The following SRGAP2 variants were observed in gnomAD, a reference collection of about 807,000 sequenced individuals.
SRGAP2 encodes the protein SLIT-ROBO Rho GTPase-activating protein 2.
SRGAP2 carries 15 observed loss-of-function variants against 57.2 expected under a neutral mutation model. That is an observed-to-expected ratio of 0.26 (90% CI 0.18 to 0.40). The LOEUF is 0.40. SRGAP2 is among the 10% of genes least tolerant of loss of function. The probability of loss-of-function intolerance (pLI) is 1.00; values close to 1 mark genes in which losing one functional copy is unlikely to be tolerated. For missense variants in SRGAP2, 520 were observed against 669.6 expected (o/e 0.78, Z 2.47); for synonymous variants, 249 against 248.0 (o/e 1.00, Z -0.04).
rs527396209 is a variant in SRGAP2, at chr1:206,339,149, A to G, written c.261-3697A>G. On this transcript the variant is annotated intron_variant, in intron 3 of 22. Coordinates refer to ENST00000573034, the MANE Select transcript of SRGAP2 (RefSeq NM_015326.5). ...ATTTTTGTTTTAAAGTTGAGTCACT[A>G]TCATCACCTAGCAGCTATTCCCCTT... 3.3e-5 allele frequency among the ~76,000 whole-genome samples: 5 copies of G among 150,224 alleles called. No individual in the cohort carries two copies. In the East Asian group the frequency reaches 5.9e-4, roughly 18 times the overall value.
At chr1:206,415,579 C>T (rs1553361484) in intron 10 of SRGAP2, among the ~76,000 whole-genome samples, 1 of 152,178 alleles carries the variant, frequency 6.6e-6, no homozygotes, top group African/African-American at 2.4e-5. Flanking sequence ...AAGACCAGGG[C>T]TCAATAAGTT....
intron 4 of SRGAP2, among the ~76,000 whole-genome samples, chr1:206,378,089 G>A (rs1194724236): frequency 4.4e-4 from 56 of 127,076 alleles, no homozygotes; most frequent in African/African-American, 1.6e-3. Context: ...ACAGTCGCTC[G>A]AGAATATAAT....
In SRGAP2 at chr1:206,437,219, C is replaced by T. The variant is rs910625241; in HGVS notation, c.1633+177C>T. Among the ~76,000 whole-genome samples, 39 of 152,158 alleles carry T rather than the reference C, an allele frequency of 2.6e-4. 2 individuals are homozygous for T. The highest frequency in any genetic ancestry group is 5.9e-5 in the Non-Finnish European group (4 of 68,034). On this transcript the variant is annotated intron_variant, in intron 15 of 22. Coordinates refer to ENST00000573034, the MANE Select transcript of SRGAP2 (RefSeq NM_015326.5). ...GTAGATATGCAGAGAAATACCAGGGCACATCCCAGTTTCCTTCTTCTTTCG... is the reference window on the plus strand; with the variant it reads ...GTAGATATGCAGAGAAATACCAGGGTACATCCCAGTTTCCTTCTTCTTTCG...
intron 11 of SRGAP2, among the ~76,000 whole-genome samples, chr1:206,418,657 T>C (rs1659973140): frequency 6.6e-6 from 1 of 152,126 alleles, no homozygotes. Context: ...CTTGAAGATT[T>C]TCAGTTTCAT....
At chr1:206,250,273 TACTC>T in intron 2 of SRGAP2, among the ~76,000 whole-genome samples, 1 of 152,036 alleles carries the variant, frequency 6.6e-6, no homozygotes, top group East Asian at 1.9e-4. Flanking sequence ...GTAAGTGAAT[TACTC>T]ACAGTCATAA....
chr1:206,228,489 A>C (rs1553306045), intron 2 of SRGAP2, among the ~76,000 whole-genome samples: 2 of 152,122 alleles, frequency 1.3e-5, no homozygotes, highest in Non-Finnish European at 2.9e-5. Flanking sequence ...CAGGAACTTT[A>C]TTTCATACTT....
At chr1:206,351,454 G>T (rs1329215618) in intron 4 of SRGAP2, among the ~76,000 whole-genome samples, 2 of 152,072 alleles carry the variant, frequency 1.3e-5, no homozygotes, top group African/African-American at 4.8e-5. Context: ...TTATAGCATG[G>T]TCACTAACAG....
chr1:206,258,001 G>GCT (rs1219728021), intron 2 of SRGAP2, among the ~76,000 whole-genome samples: 9 of 152,010 alleles, frequency 5.9e-5, no homozygotes, highest in African/African-American at 2.2e-4. Flanking sequence ...AACAGGCTTG[G>GCT]CACGGTGCAT....
At chr1:206,265,804 T>A (rs1329495277) in intron 2 of SRGAP2, among the ~76,000 whole-genome samples, 1 of 151,014 alleles carries the variant, frequency 6.6e-6, no homozygotes, top group Non-Finnish European at 1.5e-5. Flanking sequence ...AAAGTGAACG[T>A]GTTTTTTTCT....
intron 22 of SRGAP2, among the ~76,000 whole-genome samples, chr1:206,460,119 CAAAG>C (rs574571971): frequency 3.8e-4 from 58 of 152,322 alleles, no homozygotes; most frequent in African/African-American, 2.4e-4. Flanking sequence ...GTCTGTACGA[CAAAG>C]AAACCTTAAC....
At chr1:206,365,246 A>G (rs1553341391) in intron 4 of SRGAP2, among the ~76,000 whole-genome samples, 1 of 140,754 alleles carries the variant, frequency 7.1e-6, no homozygotes, top group Non-Finnish European at 1.5e-5. Flanking sequence ...GACCTAGGCG[A>G]GAGGAGAAAG....
At chr1:206,397,673 T>G (rs1332939382) in intron 7 of SRGAP2, among the ~76,000 whole-genome samples, 1 of 146,694 alleles carries the variant, frequency 6.8e-6, no homozygotes, top group East Asian at 1.9e-4. Flanking sequence ...GCTCATTTGA[T>G]GGCATCTAAG....
intron 3 of SRGAP2, among the ~76,000 whole-genome samples, chr1:206,331,005 G>GACAA (rs1674308115): frequency 8.3e-6 from 1 of 120,136 alleles, no homozygotes; most frequent in African/African-American, 3.3e-5. Flanking sequence ...CTGGTATGTT[G>GACAA]TGTCTTTGTT....
chr1:206,416,006 C>G (rs1431140471), intron 11 of SRGAP2, 33 bp downstream of exon 11: 1 of 768,752 alleles, frequency 1.3e-6, no homozygotes, highest in African/African-American at 1.7e-5. Context: ...AGAGGCTTGA[C>G]AGTGAGGCCA....
rs373417477 is a variant in SRGAP2 at position 206,254,179 on chromosome 1, G to GTT, written c.67+48158_67+48159dup. Among the ~76,000 whole-genome samples, 81 of 47,108 alleles carry GTT rather than the reference G, an allele frequency of 1.7e-3. 3 individuals are homozygous for GTT. The highest frequency in any genetic ancestry group is 1.5e-3 in the African/African-American group (12 of 7,840). 30.9% of individuals were successfully genotyped at this position (47,108 alleles called of 152,430 possible). On this transcript the variant is annotated intron_variant, in intron 2 of 22. Coordinates refer to ENST00000573034, the MANE Select transcript of SRGAP2 (RefSeq NM_015326.5). Reference sequence around the variant, plus strand: ...GCTCACATTCTGTCTTGCTTTTTCTGTTTTTTTTTTTTTTTTTGGAGGGGG... The same window carrying GTT: ...GCTCACATTCTGTCTTGCTTTTTCTGTTTTTTTTTTTTTTTTTTTGGAGGGGG...
At chr1:206,208,678 A>G (rs550844584) in intron 2 of SRGAP2, among the ~76,000 whole-genome samples, 2 of 152,334 alleles carry the variant, frequency 1.3e-5, no homozygotes, top group South Asian at 2.1e-4. Context: ...TCTGCCCCCG[A>G]CTAGCTAGAA....
intron 12 of SRGAP2, among the ~76,000 whole-genome samples, chr1:206,421,016 A>C (rs1156658994): frequency 2.0e-5 from 3 of 152,194 alleles, no homozygotes; most frequent in African/African-American, 7.2e-5. Context: ...TTTGTGAAAA[A>C]AAAGAGCTTT....
chr1:206,357,582 CTTTTTTTTT>C (rs781912077), intron 4 of SRGAP2, among the ~76,000 whole-genome samples: 1 of 78,052 alleles, frequency 1.3e-5, no homozygotes, highest in African/African-American at 5.5e-5. Flanking sequence ...GCTATGTTGT[CTTTTTTTTT>C]TTTTTTTTTT....
In SRGAP2 at chr1:206,391,640, C is replaced by CAT. The variant is rs782755029; in HGVS notation, c.487-1048_487-1047dup. 9.9e-5 allele frequency among the ~76,000 whole-genome samples: 14 copies of CAT among 141,242 alleles called. 1 individual carries two copies. Among genetic ancestry groups the CAT allele is most frequent in the African/African-American group, 3.7e-4 (13 of 34,988 alleles). 92.7% of individuals were successfully genotyped at this position (141,242 alleles called of 152,430 possible). On this transcript the variant is annotated intron_variant, in intron 5 of 22. Transcript: ENST00000573034. Reference sequence around the variant, plus strand: ...GCACACACACACACACACACACACACATGCACACACACACCCAACTTCTAC... The same window carrying CAT: ...GCACACACACACACACACACACACACATATGCACACACACACCCAACTTCTAC...
Sources: allele counts gnomAD v4.1 joint callset (sites outside exome capture counted in the v4.1 genomes callset), GRCh38; gene constraint gnomAD v4.1.1; transcripts MANE v1.5; gene names NCBI Gene and HGNC (gene_info 2026-07-23, HGNC 2026-07-21).